LRRC8C: variants seen among roughly 807,000 people sequenced by gnomAD.
The protein encoded by LRRC8C is volume-regulated anion channel subunit LRRC8C.
LRRC8C carries 20 observed loss-of-function variants against 55.3 expected under a neutral mutation model. The ratio of observed to expected loss-of-function variants is 0.36; its 90% CI spans 0.25 to 0.53. LRRC8C has a LOEUF of 0.53. Among genes scored for constraint, LRRC8C ranks in the 20% least tolerant of loss-of-function variants. The probability of loss-of-function intolerance (pLI) is 0.92; values close to 1 mark genes in which losing one functional copy is unlikely to be tolerated. For missense variants in LRRC8C, 659 were observed against 951.4 expected, an observed-to-expected ratio of 0.69 and a Z score of 4.04; for synonymous variants, 376 against 360.7, an observed-to-expected ratio of 1.04 and a Z score of -0.48.
At chr1:89,666,610 T>G (rs1023307495) in intron 1 of LRRC8C, among the ~76,000 whole-genome samples, 2 of 152,156 alleles carry the variant, frequency 1.3e-5, no homozygotes, top group African/African-American at 4.8e-5. Context: ...GCAGGTATCA[T>G]GAGAAAATGC....
chr1:89,621,350 T>TC, the LRRC8C span, among the ~76,000 whole-genome samples: 4 of 150,148 alleles, frequency 2.7e-5, no homozygotes, highest in South Asian at 8.5e-4. Flanking sequence ...GCGCCTGTAG[T>TC]CCCAGCTACT....
chr1:89,710,682 G>A (rs893007217), intron 2 of LRRC8C, among the ~76,000 whole-genome samples: 1 of 152,198 alleles, frequency 6.6e-6, no homozygotes, highest in Non-Finnish European at 1.5e-5. Context: ...TCCCAAGACA[G>A]AACTTTATAA....
chr1:89,626,230 A>G, the LRRC8C span: 3 of 152,202 alleles, frequency 2.0e-5, no homozygotes, highest in Non-Finnish European at 4.4e-5. Context: ...TTTACTTTAA[A>G]CTTACACTAC....
At chr1:89,711,213 G>A (rs892869824) in intron 2 of LRRC8C, among the ~76,000 whole-genome samples, 1 of 152,158 alleles carries the variant, frequency 6.6e-6, no homozygotes, top group African/African-American at 2.4e-5. Context: ...TACACTGGTG[G>A]TCTTCCATGT....
intron 1 of LRRC8C, among the ~76,000 whole-genome samples, chr1:89,643,511 AT>A (rs1282353433): frequency 6.6e-6 from 1 of 152,236 alleles, no homozygotes; most frequent in African/African-American, 2.4e-5. Context: ...TTTATGTCAC[AT>A]TTTATAGAGA....
intron 1 of LRRC8C, among the ~76,000 whole-genome samples, chr1:89,639,604 A>T (rs1299782180): frequency 6.6e-6 from 1 of 152,158 alleles, no homozygotes. Flanking sequence ...CCAGAAATAT[A>T]TTTGTTTTTC....
intron 1 of LRRC8C, among the ~76,000 whole-genome samples, chr1:89,651,702 A>G (rs1212257188): frequency 6.6e-6 from 1 of 151,916 alleles, no homozygotes; most frequent in African/African-American, 2.4e-5. Context: ...TTTACTTGTT[A>G]GTGTATGTTA....
At position 89,712,692 on chromosome 1, in the gene LRRC8C, T is replaced by C; in HGVS notation, c.139-17T>C. On this transcript the variant is annotated splice_polypyrimidine_tract_variant and intron_variant, in intron 2 of 2. Coordinates refer to ENST00000370454, the MANE Select transcript of LRRC8C (RefSeq NM_032270.5). ...CTTTGAGTAATATAATTTGAAAATATTATTTCCATGTTTCAGGTCATGCAA... is the reference window on the plus strand; with the variant it reads ...CTTTGAGTAATATAATTTGAAAATACTATTTCCATGTTTCAGGTCATGCAA... 1 of 1,575,466 alleles carries C rather than the reference T, an allele frequency of 6.3e-7. No individual in the cohort carries two copies.
chr1:89,715,103 G>C lies in LRRC8C; in HGVS notation c.*121G>C. On this transcript the variant is annotated 3_prime_UTR_variant, in exon 3 of 3. Transcript: ENST00000370454. ...TTCACACAAAATGTACACAAAGATCGCGTAAGGAGTATGTATTTTTAATAA... is the reference window on the plus strand; with the variant it reads ...TTCACACAAAATGTACACAAAGATCCCGTAAGGAGTATGTATTTTTAATAA... 1 of 511,436 alleles carries C rather than the reference G, an allele frequency of 2.0e-6. No individual in the cohort carries two copies. Among genetic ancestry groups the C allele is most frequent in the Non-Finnish European group, 3.3e-6 (1 of 299,030 alleles). The allele number at this position is 511,436 out of a possible 1,614,324, so 31.7% of individuals were successfully genotyped here. A position where few individuals can be genotyped will look rare whatever the true frequency, so the allele number is the denominator to read the frequency against.
intron 2 of LRRC8C, among the ~76,000 whole-genome samples, chr1:89,694,585 C>CTT (rs33917661): frequency 0.024 from 1,972 of 83,140 alleles, 78 homozygotes; most frequent in African/African-American, 0.033. Flanking sequence ...TGCCCAGCTT[C>CTT]TTTTTTTTTT....
intron 1 of LRRC8C, among the ~76,000 whole-genome samples, chr1:89,678,254 C>T (rs1260478811): frequency 6.6e-6 from 1 of 152,184 alleles, no homozygotes; most frequent in Non-Finnish European, 1.5e-5. Context: ...ATGTATTCAC[C>T]CATTTATTCA....
intron 1 of LRRC8C, among the ~76,000 whole-genome samples, chr1:89,673,374 T>TA (rs1010900250): frequency 6.6e-6 from 1 of 152,114 alleles, no homozygotes; most frequent in African/African-American, 2.4e-5. Flanking sequence ...TTCAACCGTT[T>TA]AAAAAAATAT....
At chr1:89,680,278 C>A (rs934659554) in intron 1 of LRRC8C, among the ~76,000 whole-genome samples, 2 of 151,912 alleles carry the variant, frequency 1.3e-5, no homozygotes, top group African/African-American at 4.8e-5. Flanking sequence ...GGGGTTTCAC[C>A]GTGTTAGCCA....
intron 2 of LRRC8C, among the ~76,000 whole-genome samples, chr1:89,688,961 A>G (rs1657954032): frequency 1.3e-5 from 2 of 152,204 alleles, no homozygotes; most frequent in Admixed American, 6.5e-5. Context: ...CTTTTAAGCC[A>G]GGGTAAGTTC....
intron 1 of LRRC8C, among the ~76,000 whole-genome samples, chr1:89,680,296 C>G (rs1390877110): frequency 2.0e-5 from 3 of 152,186 alleles, no homozygotes; most frequent in East Asian, 3.9e-4. Flanking sequence ...CCAGGATGGT[C>G]TCGATCTCCT....
At chr1:89,620,968 G>A in the LRRC8C span, among the ~76,000 whole-genome samples, 1 of 152,216 alleles carries the variant, frequency 6.6e-6, no homozygotes, top group Admixed American at 6.5e-5. Context: ...TTTTGCAACT[G>A]AAATGTGTAT....
chr1:89,671,122 G>C (rs1204568178), intron 1 of LRRC8C, among the ~76,000 whole-genome samples: 1 of 151,930 alleles, frequency 6.6e-6, no homozygotes, highest in East Asian at 1.9e-4. Flanking sequence ...GCTATTCATG[G>C]GTACCATCAT....
chr1:89,659,053 T>TTTG (rs1553164919), intron 1 of LRRC8C, among the ~76,000 whole-genome samples: 39 of 59,362 alleles, frequency 6.6e-4, no homozygotes, highest in East Asian at 2.5e-3. Context: ...TCCAGGTTTT[T>TTTG]TTTTTTTTTG....
chr1:89,618,841 T>C, the LRRC8C span, among the ~76,000 whole-genome samples: 2 of 152,236 alleles, frequency 1.3e-5, no homozygotes, highest in African/African-American at 4.8e-5. Context: ...AGGACCTGTG[T>C]CTTAATTTTT....
Sources: allele counts gnomAD v4.1 joint callset (sites outside exome capture counted in the v4.1 genomes callset), GRCh38; gene constraint gnomAD v4.1.1; transcripts MANE v1.5; gene names NCBI Gene and HGNC (gene_info 2026-07-23, HGNC 2026-07-21).